The following ALPK3 variants were observed in gnomAD, a reference collection of about 807,000 sequenced individuals.
ALPK3 encodes the protein alpha kinase 3, also known as alpha-protein kinase 3.
In ALPK3, 102 loss-of-function variants were observed where a neutral mutation model predicts 140.0. The ratio of observed to expected loss-of-function variants is 0.73; its 90% CI spans 0.62 to 0.86. The LOEUF (loss-of-function observed/expected upper bound fraction) is 0.86, where lower values mean the gene tolerates loss of function less well. Among genes scored for constraint, ALPK3 ranks in the 40% least tolerant of loss-of-function variants. ALPK3 has a pLI of 0.00. For synonymous variants in ALPK3, 938 were observed against 898.5 expected, an observed-to-expected ratio of 1.04 and a Z score of -0.79; for missense variants, 2,254 against 2,208.2, an observed-to-expected ratio of 1.02 and a Z score of -0.42.
At chr15:84,844,505 A>G (rs1268991060) in intron 5 of ALPK3, among the ~76,000 whole-genome samples, 1 of 152,178 alleles carries the variant, frequency 6.6e-6, no homozygotes, top group African/African-American at 2.4e-5. Context: ...CCTCCTTCAT[A>G]TATCGAAGGA....
intron 3 of ALPK3, among the ~76,000 whole-genome samples, chr15:84,829,886 G>A (rs142458486): frequency 2.6e-5 from 4 of 152,276 alleles, no homozygotes; most frequent in East Asian, 1.9e-4. Flanking sequence ...TGTATAGTCC[G>A]GATGGTTGCT....
intron 5 of ALPK3, among the ~76,000 whole-genome samples, chr15:84,853,004 T>C (rs1372151202): frequency 6.6e-6 from 1 of 152,156 alleles, no homozygotes; most frequent in Non-Finnish European, 1.5e-5. Context: ...GAAATGGATA[T>C]TGAGATAATG....
At position 84,839,014 on chromosome 15, in the gene ALPK3, T is replaced by C; in HGVS notation, c.339T>C (p.Asp113=). 2 of 1,614,138 alleles carry C rather than the reference T, an allele frequency of 1.2e-6. No homozygotes were observed. The highest frequency in any genetic ancestry group is 1.7e-6 in the Non-Finnish European group (2 of 1,180,006). Residue 113 remains aspartate, a synonymous_variant, in exon 4 of 14, where the codon GAT becomes GAC. Coordinates refer to ENST00000258888, the MANE Select transcript of ALPK3 (RefSeq NM_020778.5). Reference sequence around the variant, plus strand: ...AGCCAGAGGTGACCTGGTACAAGGATGATACGGAGCTGGACCGCTACTGTG... The same window carrying C: ...AGCCAGAGGTGACCTGGTACAAGGACGATACGGAGCTGGACCGCTACTGTG... ...YPEPEVTWYK[D]DTELDRYCGL...
Position 84,871,648 on chromosome 15 carries a change from A to G in ALPK3, c.*3192A>G, listed in dbSNP as rs959684878. ...AGCGCCAGGTATGGTTGCCGGCTCC[A>G]AGCGCATGCTGCCTCCTGCAGGCCT... On this transcript the variant is annotated 3_prime_UTR_variant, in exon 14 of 14. Transcript: ENST00000258888. 4 of 152,254 alleles carry G rather than the reference A, an allele frequency of 2.6e-5. No homozygotes were observed. The highest frequency in any genetic ancestry group is 1.9e-4 in the East Asian group (1 of 5,194). The allele number at this position is 152,254 out of a possible 1,614,324, so 9.4% of individuals were successfully genotyped here.
At chr15:84,861,865 T>G (rs1488991427) in intron 9 of ALPK3, among the ~76,000 whole-genome samples, 1 of 152,220 alleles carries the variant, frequency 6.6e-6, no homozygotes, top group Non-Finnish European at 1.5e-5. Flanking sequence ...TTTTTTTTGT[T>G]GTTGCAACTA....
intron 3 of ALPK3, among the ~76,000 whole-genome samples, chr15:84,834,339 C>T (rs1963577378): frequency 6.6e-6 from 1 of 152,168 alleles, no homozygotes; most frequent in South Asian, 2.1e-4. Context: ...TGAATTCTGG[C>T]TCTCTACTTG....
At chr15:84,829,976 A>C (rs554333422) in intron 3 of ALPK3, among the ~76,000 whole-genome samples, 1 of 152,238 alleles carries the variant, frequency 6.6e-6, no homozygotes, top group Non-Finnish European at 1.5e-5. Flanking sequence ...TTATATCATA[A>C]TTTTTGCTTT....
At chr15:84,821,717 C>T (rs1001709518) in intron 1 of ALPK3, among the ~76,000 whole-genome samples, 2 of 152,124 alleles carry the variant, frequency 1.3e-5, no homozygotes, top group African/African-American at 4.8e-5. Flanking sequence ...TACTTTCCTC[C>T]TCTTTCTTTT....
rs752155273 is a variant in ALPK3, at chr15:84,863,610, G to A, written c.4469G>A (p.Arg1490Gln). The stretch of plus-strand genomic sequence containing the variant: ...TGCAAAATCTTCGCAGCAGAAGCCC[G>A]GGCCGCGCCTGGCTTTGGGGAGGTG... ...EYCKIFAAEA[R>Q]AAPGFGEVPE... is the part of the protein sequence containing the mutation. The change falls in exon 11 of 14, where the codon CGG becomes CAG. Residue 1490 changes from arginine to glutamine, a missense_variant. Physicochemically the swap from Arg to Gln is conservative, Grantham distance 43. This residue lies in a region of ALPK3 where 2,088 missense variants were observed against 2,022.9 expected (regional missense o/e 1.03). Coordinates refer to ENST00000258888, the MANE Select transcript of ALPK3 (RefSeq NM_020778.5). 4.5e-5 allele frequency: 72 copies of A among 1,613,932 alleles called. No homozygotes were observed. Among genetic ancestry groups the A allele is most frequent in the Middle Eastern group, 1.6e-4 (1 of 6,084 alleles).
rs565910112 is a variant in ALPK3 at position 84,839,280 on chromosome 15, GCT to G, written c.422+185_422+186del. On this transcript the variant is annotated intron_variant, in intron 4 of 13. Coordinates refer to ENST00000258888, the MANE Select transcript of ALPK3 (RefSeq NM_020778.5). ...CACATCTGCCTTCCGGTGTCTGGGA[GCT>G]CCTAAGGCCAGAGTGGGAGTATTCC... 3.3e-5 allele frequency among the ~76,000 whole-genome samples: 5 copies of G among 152,346 alleles called. No individual in the cohort carries two copies. The South Asian group carries it at 6.2e-4, about 19-fold the overall frequency.
chr15:84,858,864 T>C (rs1963902844), intron 6 of ALPK3, among the ~76,000 whole-genome samples: 1 of 152,178 alleles, frequency 6.6e-6, no homozygotes, highest in Non-Finnish European at 1.5e-5. Context: ...ATCATCACCA[T>C]TCAGTCCCCC....
Position 84,840,623 on chromosome 15 carries a change from G to T in ALPK3, c.1344G>T (p.Gly448=), listed in dbSNP as rs1329271843. Residue 448 remains glycine (G), a synonymous_variant, in exon 5 of 14, where the codon GGG becomes GGT. Transcript: ENST00000258888. ...GGGCGCCTGGGGAGAGTCCCAAGGG[G>T]AAGGCACCCCTCAGGGCTAGAAGCG... ...SVRAPGESPK[G]KAPLRARSEG... is the part of the protein sequence containing the mutation. The T allele has an allele frequency of 6.4e-7, 1 of 1,559,652 alleles. No homozygotes were observed. The highest frequency in any genetic ancestry group is 2.2e-5 in the East Asian group (1 of 44,576).
At chr15:84,847,205 CGGGGAGAGAGAGAGAGAGAGAGAGAG>C (rs966402448) in intron 5 of ALPK3, among the ~76,000 whole-genome samples, 22 of 106,878 alleles carry the variant, frequency 2.1e-4, no homozygotes, top group African/African-American at 8.2e-4. Context: ...GAGGGAGAAA[CGGGGAGAGAGAGAGAGAGAGAGAGAG>C]AGAGAGAGAG....
rs146892833 is a variant in ALPK3, at chr15:84,856,503, G to A, written c.1765G>A (p.Asp589Asn). 114 of 1,614,076 alleles carry A rather than the reference G, an allele frequency of 7.1e-5. No individual in the cohort carries two copies. The highest frequency in any genetic ancestry group is 9.5e-5 in the Non-Finnish European group (112 of 1,180,042). Residue 589 changes from aspartate to asparagine, a missense_variant, in exon 6 of 14, where the codon GAT becomes AAT. By Grantham distance (23) the Asp-to-Asn change is conservative. Transcript: ENST00000258888. ...AAGTCAAGGTATCATTGAACCCATG[G>A]ATATGGAAACCCAGGAGGATGGGAG... is the stretch of plus-strand genomic sequence containing the variant. ...SGSQGIIEPM[D>N]METQEDGRTS... is the part of the protein sequence containing the mutation.
chr15:84,856,810 G>A lies in ALPK3; in HGVS notation c.2072G>A (p.Gly691Asp), dbSNP rs971338354. 6.2e-7 allele frequency: 1 copy of A among 1,614,060 alleles called. No individual in the cohort carries two copies. The highest frequency in any genetic ancestry group is 2.2e-5 in the East Asian group (1 of 44,866). Residue 691 changes from glycine (G) to aspartate (D), a missense_variant, in exon 6 of 14, where the codon GGC becomes GAC. Around this residue, in one of 3 missense-constraint regions of ALPK3, gnomAD observed 2,088 missense variants for 2,022.9 expected, o/e 1.03. Coordinates refer to ENST00000258888, the MANE Select transcript of ALPK3 (RefSeq NM_020778.5). ...GACAGGAAGGCCCAGGCAGATAAGG[G>A]CACACAGGAAGACAGAAGGATGCAG... Reference protein sequence around the residue: ...QEDRKAQADKGTQEDRRMQGE... With the variant: ...QEDRKAQADKDTQEDRRMQGE...
rs887691142 is a variant in ALPK3, at chr15:84,862,977, C to T, written c.4410+62C>T. The T allele has an allele frequency of 1.9e-6, 3 of 1,568,780 alleles. No homozygotes were observed. The African/African-American group carries it at 4.0e-5, about 21-fold the overall frequency. ...CTCTCACCCCCTCCCCTTTCCCAGCCCAGGTCCTGTTAGGATGCCCAGTAT... is the reference window on the plus strand; with the variant it reads ...CTCTCACCCCCTCCCCTTTCCCAGCTCAGGTCCTGTTAGGATGCCCAGTAT... On this transcript the variant is annotated intron_variant, in intron 10 of 13. Transcript: ENST00000258888.
intron 3 of ALPK3, among the ~76,000 whole-genome samples, chr15:84,836,294 G>GGT (rs1963596983): frequency 6.6e-6 from 1 of 152,132 alleles, no homozygotes; most frequent in Admixed American, 6.5e-5. Flanking sequence ...AGCTAATTGG[G>GGT]GTGTTTTGAA....
intron 3 of ALPK3, among the ~76,000 whole-genome samples, chr15:84,830,189 T>C (rs996638562): frequency 6.6e-6 from 1 of 152,220 alleles, no homozygotes; most frequent in African/African-American, 2.4e-5. Context: ...TTCTGCAAGG[T>C]CAATGACATC....
intron 7 of ALPK3, 39 bp downstream of exon 7, chr15:84,859,429 T>C: frequency 6.2e-7 from 1 of 1,611,086 alleles, no homozygotes; most frequent in Non-Finnish European, 8.5e-7. Flanking sequence ...CCTGGCTCCC[T>C]GATTGCAGTA....
Sources: gnomAD v4.1 joint callset for allele counts (sites outside exome capture counted in the v4.1 genomes callset) on GRCh38, gnomAD v4.1.1 for gene constraint, gnomAD v4.1.1 regional missense constraint, MANE v1.5 for transcripts, NCBI Gene and HGNC (gene_info 2026-07-23, HGNC 2026-07-21) for gene names.